The following TSPEAR variants were observed in gnomAD, a reference collection of about 807,000 sequenced individuals.
TSPEAR encodes thrombospondin type laminin G domain and EAR repeats, also known as thrombospondin-type laminin G domain and EAR repeat-containing protein.
A neutral mutation model predicts 71.6 loss-of-function variants in TSPEAR; 69 were observed. That is an observed-to-expected ratio of 0.96 (90% CI 0.79 to 1.18). The LOEUF is 1.18. TSPEAR is among the 50% of genes most tolerant of loss of function. The pLI is 0.00. For missense variants in TSPEAR, 971 were observed against 894.9 expected (o/e 1.09, Z -1.09); for synonymous variants, 402 against 387.2 (o/e 1.04, Z -0.45).
Position 44,579,638 on chromosome 21 carries a change from G to C in TSPEAR, c.83-11633C>G, listed in dbSNP as rs180763058. 1.3e-3 allele frequency: 1,541 copies of C among 1,198,162 alleles called. 23 individuals are homozygous for C. In the African/African-American group the frequency reaches 0.021, roughly 16 times the overall value. The allele number at this position is 1,198,162 out of a possible 1,614,324, so 74.2% of individuals were successfully genotyped here. ...ATGGAGATTCCTGGGAGTATGGAGG[G>C]GGGGGTCACCTCAGCACATGGGGGC... On this transcript the variant is annotated intron_variant, in intron 1 of 11. Coordinates refer to ENST00000323084, the MANE Select transcript of TSPEAR (RefSeq NM_144991.3).
At chr21:44,700,169 A>T (rs1987582914) in intron 1 of TSPEAR, among the ~76,000 whole-genome samples, 2 of 152,178 alleles carry the variant, frequency 1.3e-5, no homozygotes, top group Admixed American at 6.5e-5. Context: ...CCAAGAGAAG[A>T]TGCTGATTTT....
chr21:44,602,781 C>A (rs924076087), intron 1 of TSPEAR, among the ~76,000 whole-genome samples: 7 of 152,282 alleles, frequency 4.6e-5, no homozygotes, highest in Non-Finnish European at 8.8e-5. Flanking sequence ...TCCTGCGTGA[C>A]CCCCACCCCA....
chr21:44,530,019 C>A, intron 4 of TSPEAR, 65 bp from the exon 5 acceptor site: 20 of 1,458,968 alleles, frequency 1.4e-5, no homozygotes, highest in Non-Finnish European at 1.8e-5. Context: ...GAGGAGGCGA[C>A]CACTGAGCTT....
At chr21:44,571,368 A>G (rs1247142109) in intron 1 of TSPEAR, among the ~76,000 whole-genome samples, 3 of 152,230 alleles carry the variant, frequency 2.0e-5, no homozygotes, top group African/African-American at 7.2e-5. Flanking sequence ...AACATTTCAG[A>G]CCAGATAACA....
chr21:44,607,489 G>A (rs587722560), intron 1 of TSPEAR, among the ~76,000 whole-genome samples: 1 of 152,290 alleles, frequency 6.6e-6, no homozygotes, highest in Non-Finnish European at 1.5e-5. Context: ...AACAATGAAT[G>A]AAATAAAAAT....
At chr21:44,604,012 G>T (rs1207084751) in intron 1 of TSPEAR, among the ~76,000 whole-genome samples, 1 of 152,204 alleles carries the variant, frequency 6.6e-6, no homozygotes, top group Non-Finnish European at 1.5e-5. Context: ...GGGCTGGCAG[G>T]TTCCAGCCAC....
At chr21:44,561,102 A>T (rs1422586569) in intron 2 of TSPEAR, among the ~76,000 whole-genome samples, 3 of 152,232 alleles carry the variant, frequency 2.0e-5, no homozygotes, top group Admixed American at 2.0e-4. Context: ...CTAATAAAGA[A>T]GAAAAGAGGG....
intron 1 of TSPEAR, among the ~76,000 whole-genome samples, chr21:44,660,158 T>C (rs587630324): frequency 1.3e-5 from 2 of 152,246 alleles, no homozygotes; most frequent in African/African-American, 2.4e-5. Context: ...ATGGATGTAA[T>C]TGGAGTCCCT....
chr21:44,603,990 T>A (rs1158774572), intron 1 of TSPEAR, among the ~76,000 whole-genome samples: 1 of 152,210 alleles, frequency 6.6e-6, no homozygotes, highest in Non-Finnish European at 1.5e-5. Flanking sequence ...ACTGTCTCCC[T>A]CCTGGGCACG....
intron 1 of TSPEAR, chr21:44,697,862 T>C: frequency 6.2e-7 from 1 of 1,603,794 alleles, no homozygotes; most frequent in Non-Finnish European, 8.5e-7. Flanking sequence ...CACCTCCTCC[T>C]GCCAGCCAAG....
rs1555928408 is a variant in TSPEAR, at chr21:44,600,755, C to T, written c.83-32750G>A. ...TGCCCAGAGAGCTGCTGCGAGCCCCCCTGCTGCGCCCCGGCCCCCTGCCTG... is the reference window on the plus strand; with the variant it reads ...TGCCCAGAGAGCTGCTGCGAGCCCCTCTGCTGCGCCCCGGCCCCCTGCCTG... On this transcript the variant is annotated intron_variant, in intron 1 of 11. Coordinates refer to ENST00000323084, the MANE Select transcript of TSPEAR (RefSeq NM_144991.3). 455 of 1,604,152 alleles carry T rather than the reference C, an allele frequency of 2.8e-4. 6 individuals carry two copies. The highest frequency in any genetic ancestry group is 3.7e-4 in the Non-Finnish European group (436 of 1,177,642).
chr21:44,617,121 C>G lies in TSPEAR; in HGVS notation c.83-49116G>C, dbSNP rs188530593. 1.4e-4 allele frequency among the ~76,000 whole-genome samples: 21 copies of G among 152,310 alleles called. No homozygotes were observed. In the East Asian group the frequency reaches 4.1e-3, roughly 29 times the overall value. On this transcript the variant is annotated intron_variant, in intron 1 of 11. Coordinates refer to ENST00000323084, the MANE Select transcript of TSPEAR (RefSeq NM_144991.3). ...ACTCATGCCTCCCCCAGCTCACCTC[C>G]TCCACACCCCCAGCATGGCCACGTC...
At chr21:44,630,978 A>C (rs1452129874) in intron 1 of TSPEAR, among the ~76,000 whole-genome samples, 1 of 152,206 alleles carries the variant, frequency 6.6e-6, no homozygotes, top group African/African-American at 2.4e-5. Context: ...AGAATGTGCC[A>C]TCCAGAATTA....
At chr21:44,579,989 G>C in intron 1 of TSPEAR, 1 of 1,613,366 alleles carries the variant, frequency 6.2e-7, no homozygotes, top group Non-Finnish European at 8.5e-7. Context: ...GCAGCATGAA[G>C]TGGAAGCCCC....
intron 9 of TSPEAR, among the ~76,000 whole-genome samples, chr21:44,514,952 C>T (rs1348754249): frequency 6.6e-6 from 1 of 152,080 alleles, no homozygotes; most frequent in Non-Finnish European, 1.5e-5. Context: ...CCTGCAGTGC[C>T]CTGGGAATGC....
At chr21:44,608,120 T>G (rs2146166672) in intron 1 of TSPEAR, among the ~76,000 whole-genome samples, 1 of 152,320 alleles carries the variant, frequency 6.6e-6, no homozygotes, top group African/African-American at 2.4e-5. Flanking sequence ...AATCCAGATC[T>G]TGCTTGTGGT....
At chr21:44,540,054 C>A in intron 2 of TSPEAR, 1 of 1,613,190 alleles carries the variant, frequency 6.2e-7, no homozygotes, top group Non-Finnish European at 8.5e-7. Context: ...CAGCTGAGGG[C>A]GCAGCAGTGG....
At chr21:44,702,256 G>T (rs562752434) in intron 1 of TSPEAR, 26 of 1,605,216 alleles carry the variant, frequency 1.6e-5, no homozygotes, top group South Asian at 1.1e-5. Context: ...GCAGGTGGAC[G>T]ACTGCCCGGA....
chr21:44,554,721 G>A (rs1283829892), intron 2 of TSPEAR, among the ~76,000 whole-genome samples: 3 of 152,164 alleles, frequency 2.0e-5, no homozygotes, highest in African/African-American at 7.2e-5. Flanking sequence ...GTAACATTCT[G>A]GATGTACCGG....
Sources: allele counts gnomAD v4.1 joint callset (sites outside exome capture counted in the v4.1 genomes callset), GRCh38; gene constraint gnomAD v4.1.1; transcripts MANE v1.5; gene names NCBI Gene and HGNC (gene_info 2026-07-23, HGNC 2026-07-21).